The following PRKG1 variants were observed in gnomAD, a reference collection of about 807,000 sequenced individuals.
The protein encoded by PRKG1 is protein kinase cGMP-dependent 1, also known as cGMP-dependent protein kinase 1.
A neutral mutation model predicts 88.1 loss-of-function variants in PRKG1; 35 were observed. That is an observed-to-expected ratio of 0.40 (90% CI 0.30 to 0.53). The LOEUF is 0.53. Ranked by LOEUF, PRKG1 falls within the 20% of genes least tolerant of loss-of-function variation. The pLI is 0.59. For missense variants in PRKG1, 540 were observed against 839.8 expected (o/e 0.64, Z 4.41); for synonymous variants, 303 against 292.5 (o/e 1.04, Z -0.37).
intron 3 of PRKG1, among the ~76,000 whole-genome samples, chr10:51,473,322 A>G (rs866846745): frequency 7.9e-5 from 12 of 151,916 alleles, no homozygotes; most frequent in African/African-American, 2.9e-4. Context: ...TTTGTTGTTT[A>G]AGTAGACGAA....
chr10:51,625,690 T>G (rs887096390), intron 3 of PRKG1, among the ~76,000 whole-genome samples: 5 of 151,786 alleles, frequency 3.3e-5, no homozygotes, highest in Non-Finnish European at 4.4e-5. Flanking sequence ...GTTTATGATA[T>G]TTAAATTATG....
chr10:51,946,453 C>T (rs1843036980), intron 5 of PRKG1, among the ~76,000 whole-genome samples: 1 of 152,072 alleles, frequency 6.6e-6, no homozygotes, highest in Non-Finnish European at 1.5e-5. Context: ...GCCTTCTTCT[C>T]TCAACTCGTC....
At chr10:51,705,660 A>G (rs1364110516) in intron 3 of PRKG1, among the ~76,000 whole-genome samples, 1 of 152,176 alleles carries the variant, frequency 6.6e-6, no homozygotes, top group South Asian at 2.1e-4. Context: ...AATGCTTTAT[A>G]TAATATAATA....
At chr10:51,895,256 G>T (rs186234821) in intron 4 of PRKG1, among the ~76,000 whole-genome samples, 156 of 152,288 alleles carry the variant, frequency 1.0e-3, no homozygotes, top group Non-Finnish European at 1.9e-3. Flanking sequence ...TGGATGAGTA[G>T]TGAAGATGAC....
intron 3 of PRKG1, among the ~76,000 whole-genome samples, chr10:51,792,188 A>C (rs902652110): frequency 1.1e-4 from 17 of 152,220 alleles, no homozygotes; most frequent in African/African-American, 4.1e-4. Flanking sequence ...TATTCTTGAT[A>C]AGAGGGAACT....
intron 2 of PRKG1, among the ~76,000 whole-genome samples, chr10:51,384,542 T>C (rs1837198211): frequency 6.6e-6 from 1 of 152,170 alleles, no homozygotes; most frequent in Non-Finnish European, 1.5e-5. Flanking sequence ...CTGAGTTTGA[T>C]TGTTAATCAA....
chr10:51,795,689 T>C (rs1838991827), intron 3 of PRKG1, among the ~76,000 whole-genome samples: 1 of 151,984 alleles, frequency 6.6e-6, no homozygotes, highest in African/African-American at 2.4e-5. Context: ...ATCAGTAAAG[T>C]GGGGGTAGAA....
intron 3 of PRKG1, among the ~76,000 whole-genome samples, chr10:51,642,430 G>A (rs539327133): frequency 6.6e-6 from 1 of 152,150 alleles, no homozygotes; most frequent in Admixed American, 6.5e-5. Context: ...ACTTATTTAA[G>A]TATTACCCCC....
chr10:52,141,921 C>A (rs1837591753), intron 8 of PRKG1, among the ~76,000 whole-genome samples: 1 of 152,096 alleles, frequency 6.6e-6, no homozygotes, highest in South Asian at 2.1e-4. Context: ...AAACTCAATG[C>A]CATTTCACCC....
chr10:51,617,218 T>A (rs1474306374), intron 3 of PRKG1, among the ~76,000 whole-genome samples: 2 of 152,190 alleles, frequency 1.3e-5, no homozygotes, highest in African/African-American at 4.8e-5. Context: ...GAGGAGTATC[T>A]TCCAGTTCAC....
Position 52,131,816 on chromosome 10 carries a change from CAAAAAAAAAAAAA to C in PRKG1, c.936-2006_936-1994del, listed in dbSNP as rs71459439. Among the ~76,000 whole-genome samples the C allele has an allele frequency of 2.3e-3, 102 of 44,092 alleles. 1 individual carries two copies. The highest frequency in any genetic ancestry group is 7.2e-3 in the African/African-American group (86 of 11,896). The allele number at this position is 44,092 out of a possible 152,430, so 28.9% of individuals were successfully genotyped here. On this transcript the variant is annotated intron_variant, in intron 7 of 17. Transcript: ENST00000373980. ...GTGGGCAACAAGAGCGAAACTCCAT[CAAAAAAAAAAAAA>C]AAAAAAAAAAAAAAAAAGAGGCCAG...
chr10:52,185,328 A>G (rs888695197), intron 9 of PRKG1, among the ~76,000 whole-genome samples: 1 of 152,186 alleles, frequency 6.6e-6, no homozygotes, highest in Non-Finnish European at 1.5e-5. Flanking sequence ...AAGATCCAAA[A>G]TAGTCTCCTT....
intron 9 of PRKG1, among the ~76,000 whole-genome samples, chr10:52,173,637 T>C (rs1564501935): frequency 6.6e-6 from 1 of 152,214 alleles, no homozygotes; most frequent in East Asian, 1.9e-4. Context: ...CATTTTCCTC[T>C]AATGCATAAA....
At chr10:51,579,750 G>A (rs1837982494) in intron 3 of PRKG1, among the ~76,000 whole-genome samples, 1 of 151,978 alleles carries the variant, frequency 6.6e-6, no homozygotes, top group African/African-American at 2.4e-5. Context: ...ATTTATAAAT[G>A]TTGATATTTG....
chr10:51,927,808 T>C (rs1354004619), intron 5 of PRKG1, among the ~76,000 whole-genome samples: 1 of 152,208 alleles, frequency 6.6e-6, no homozygotes, highest in Non-Finnish European at 1.5e-5. Context: ...TTTGAGACTA[T>C]GTTATTCTAA....
intron 6 of PRKG1, among the ~76,000 whole-genome samples, chr10:52,061,255 T>C (rs1846228311): frequency 6.6e-6 from 1 of 152,048 alleles, no homozygotes; most frequent in Non-Finnish European, 1.5e-5. Context: ...GAATAATAAT[T>C]GAATTTCCTC....
Position 50,991,549 on chromosome 10 carries a change from G to A in PRKG1, c.171G>A (p.Arg57=). 2 of 1,609,250 alleles carry A rather than the reference G, an allele frequency of 1.2e-6. No homozygotes were observed. The highest frequency in any genetic ancestry group is 1.7e-6 in the Non-Finnish European group (2 of 1,178,386). The change falls in exon 1 of 18, where the codon CGG becomes CGA. Residue 57 remains arginine, a synonymous_variant. Coordinates refer to the PRKG1 transcript ENST00000401604. The surrounding 1 kb of genome is among the most constrained non-coding windows in gnomAD (Gnocchi z 4.5). Reference sequence around the variant, plus strand: ...TGCCCTCGACCCACATCGGCCCCCGGACCACCCGGGCGCAGGGCATCTCGG... The same window carrying A: ...TGCCCTCGACCCACATCGGCCCCCGAACCACCCGGGCGCAGGGCATCTCGG...
chr10:51,877,126 T>C (rs561799091), intron 4 of PRKG1, among the ~76,000 whole-genome samples: 10 of 152,220 alleles, frequency 6.6e-5, no homozygotes, highest in African/African-American at 2.4e-4. Flanking sequence ...TCTCCCCCCA[T>C]GCACCCTCCC....
intron 2 of PRKG1, among the ~76,000 whole-genome samples, chr10:51,257,834 G>A (rs530906127): frequency 1.5e-4 from 23 of 152,300 alleles, no homozygotes; most frequent in African/African-American, 4.8e-4. Context: ...TGAGCATAGT[G>A]CTCACCAGCA....
Sources: allele counts gnomAD v4.1 joint callset (sites outside exome capture counted in the v4.1 genomes callset), GRCh38; gene constraint gnomAD v4.1.1; non-coding constraint Gnocchi (gnomAD v3.1); transcripts MANE v1.5; gene names NCBI Gene and HGNC (gene_info 2026-07-23, HGNC 2026-07-21).